SLC7A6: variants seen among roughly 807,000 people sequenced by gnomAD.
SLC7A6 encodes solute carrier family 7 member 6, also known as Y+L amino acid transporter 2.
Under a neutral mutation model 46.6 loss-of-function variants are expected in SLC7A6, and 29 were observed. The observed-to-expected ratio is 0.62, with a 90% CI of 0.46 to 0.85. The LOEUF is 0.85. Ranked by LOEUF, SLC7A6 falls within the 40% of genes least tolerant of loss-of-function variation. The pLI is 0.00. For missense variants in SLC7A6, 527 were observed against 647.6 expected (o/e 0.81, Z 2.02); for synonymous variants, 276 against 257.3 (o/e 1.07, Z -0.70).
At chr16:68,294,616 G>T in intron 7 of SLC7A6, 89 bp from the exon 8 acceptor site, 1 of 923,034 alleles carries the variant, frequency 1.1e-6, no homozygotes, top group Non-Finnish European at 1.8e-6. Flanking sequence ...TTCCTCGGGG[G>T]CTCTGAGCTG....
intron 3 of SLC7A6, among the ~76,000 whole-genome samples, chr16:68,280,441 T>C (rs529405565): frequency 5.5e-4 from 84 of 152,358 alleles, no homozygotes; most frequent in African/African-American, 2.0e-3. Flanking sequence ...GTTTGGTTTG[T>C]GGTGTTGTAA....
intron 2 of SLC7A6, among the ~76,000 whole-genome samples, chr16:68,270,524 G>T (rs2042607929): frequency 6.6e-6 from 1 of 152,140 alleles, no homozygotes; most frequent in Admixed American, 6.5e-5. Context: ...TATTTCTTCT[G>T]AGTAACCACT....
chr16:68,267,387 G>A (rs1288077401), intron 2 of SLC7A6, among the ~76,000 whole-genome samples: 3 of 151,260 alleles, frequency 2.0e-5, no homozygotes, highest in Non-Finnish European at 4.4e-5. Context: ...ACAATTTTTT[G>A]TATTTTTAGC....
intron 3 of SLC7A6, among the ~76,000 whole-genome samples, chr16:68,284,859 C>CTCTTTTTTTTTTT (rs776927373): frequency 1.0e-5 from 1 of 95,646 alleles, no homozygotes; most frequent in African/African-American, 4.6e-5. Context: ...ATTTTCTCGT[C>CTCTTTTTTTTTTT]TTTTTTTTTT....
chr16:68,291,806 A>T (rs146554414), intron 7 of SLC7A6, 145 bp downstream of exon 7: 6 of 419,106 alleles, frequency 1.4e-5, no homozygotes, highest in African/African-American at 3.4e-5. Context: ...TGTGTTTGGT[A>T]TGTGGGCATG....
chr16:68,289,828 C>G (rs1425027656), intron 4 of SLC7A6, among the ~76,000 whole-genome samples: 1 of 152,124 alleles, frequency 6.6e-6, no homozygotes, highest in African/African-American at 2.4e-5. Flanking sequence ...CCCATGCAAC[C>G]ATAGCTACCG....
At position 68,287,228 on chromosome 16, in the gene SLC7A6, TCA is replaced by T. The variant is rs925626599; in HGVS notation, c.524-517_524-516del. On this transcript the variant is annotated intron_variant, in intron 3 of 10. Transcript: ENST00000219343. The stretch of plus-strand genomic sequence containing the variant: ...CCTGGGCTCACATGATCCATCTGCC[TCA>T]GTTTCCCAAAGTGCTGGGATTACAG... 22 of 930,850 alleles carry T rather than the reference TCA, an allele frequency of 2.4e-5. No homozygotes were observed. In the African/African-American group the frequency reaches 2.9e-4, roughly 12 times the overall value. 57.7% of individuals were successfully genotyped at this position (930,850 alleles called of 1,614,324 possible). A position where few individuals can be genotyped will look rare whatever the true frequency, so the allele number is the denominator to read the frequency against.
intron 2 of SLC7A6, among the ~76,000 whole-genome samples, chr16:68,268,980 G>A (rs186682419): frequency 1.8e-4 from 28 of 151,986 alleles, no homozygotes; most frequent in Middle Eastern, 3.4e-3. Flanking sequence ...GCACTCCAGC[G>A]TGGGCAACGA....
chr16:68,283,499 C>T (rs923218620), intron 3 of SLC7A6, among the ~76,000 whole-genome samples: 9 of 152,194 alleles, frequency 5.9e-5, no homozygotes, highest in African/African-American at 9.7e-5. Context: ...GTTGCACAGC[C>T]GTACCTACCT....
chr16:68,297,211 G>T, intron 10 of SLC7A6, 23 bp from the exon 11 acceptor site: 1 of 1,610,900 alleles, frequency 6.2e-7, no homozygotes, highest in Non-Finnish European at 8.5e-7. Context: ...ACTAAACCCT[G>T]TGCTTGCTCT....
rs2043162364 is a variant in SLC7A6, at chr16:68,296,217, CCTAT to C, written c.1120-144_1120-141del. 5.0e-6 allele frequency: 4 copies of C among 796,792 alleles called. No individual in the cohort carries two copies. The East Asian group carries it at 7.9e-5, about 16-fold the overall frequency. The allele number at this position is 796,792 out of a possible 1,614,324, so 49.4% of individuals were successfully genotyped here. ...ACCTCAGGGTACATCAAGGAATGGA[CCTAT>C]CTGATGCCAAGGGGTCAATGAAAAG... On this transcript the variant is annotated intron_variant, in intron 8 of 10. Coordinates refer to ENST00000219343, the MANE Select transcript of SLC7A6 (RefSeq NM_003983.6).
rs764213564 is a variant in SLC7A6 at position 68,296,751 on chromosome 16, A to C, written c.1394A>C (p.Tyr465Ser). ...ATTGCCCTTTCTGGAGTCCCTTTCT[A>C]CTTCATGGGTGTTTACCTGCCAGAG... ...IGIALSGVPF[Y>S]FMGVYLPESR... is the part of the protein sequence containing the mutation. Residue 465 changes from tyrosine to serine, a missense_variant, in exon 10 of 11, where the codon TAC (tyrosine) becomes TCC (serine). Coordinates refer to ENST00000219343, the MANE Select transcript of SLC7A6 (RefSeq NM_003983.6). 1 of 1,613,632 alleles carries C rather than the reference A, an allele frequency of 6.2e-7. No individual in the cohort carries two copies. The highest frequency in any genetic ancestry group is 1.1e-5 in the South Asian group (1 of 91,038).
intron 2 of SLC7A6, chr16:68,273,768 G>A (rs1017896043): frequency 7.4e-6 from 1 of 135,132 alleles, no homozygotes; most frequent in Non-Finnish European, 1.5e-5. Flanking sequence ...GTGATACCCA[G>A]GCATGTATTT....
At chr16:68,294,128 A>G (rs1442649988) in intron 7 of SLC7A6, among the ~76,000 whole-genome samples, 1 of 152,122 alleles carries the variant, frequency 6.6e-6, no homozygotes, top group Non-Finnish European at 1.5e-5. Flanking sequence ...TCCCGACCTC[A>G]GGTGATCCAC....
At chr16:68,272,223 G>A (rs2042634942) in intron 2 of SLC7A6, among the ~76,000 whole-genome samples, 2 of 152,026 alleles carry the variant, frequency 1.3e-5, no homozygotes, top group Admixed American at 6.6e-5. Context: ...AGACCAGCCT[G>A]GGCAATGTAG....
At chr16:68,280,242 C>A (rs1456396513) in intron 3 of SLC7A6, among the ~76,000 whole-genome samples, 2 of 152,156 alleles carry the variant, frequency 1.3e-5, no homozygotes, top group African/African-American at 4.8e-5. Flanking sequence ...TTAAGTTGGT[C>A]TTGAAATTGA....
intron 3 of SLC7A6, among the ~76,000 whole-genome samples, chr16:68,283,120 AAG>A (rs1435059293): frequency 1.3e-5 from 2 of 152,342 alleles, no homozygotes; most frequent in East Asian, 1.9e-4. Context: ...CCTCATCAGA[AAG>A]AGAGTATGAA....
At chr16:68,271,941 A>G (rs550074575) in intron 2 of SLC7A6, among the ~76,000 whole-genome samples, 5 of 152,060 alleles carry the variant, frequency 3.3e-5, no homozygotes, top group African/African-American at 7.2e-5. Flanking sequence ...AGCTGGGACT[A>G]CAAGTGCATG....
intron 10 of SLC7A6, 42 bp downstream of exon 10, chr16:68,296,852 T>C (rs759385357): frequency 6.2e-7 from 1 of 1,600,708 alleles, no homozygotes. Context: ...CGGCTATGTG[T>C]GCATGCGCAT....
Sources: allele counts gnomAD v4.1 joint callset (sites outside exome capture counted in the v4.1 genomes callset), GRCh38; gene constraint gnomAD v4.1.1; transcripts MANE v1.5; gene names NCBI Gene and HGNC (gene_info 2026-07-23, HGNC 2026-07-21).